The following MCOLN2 variants were observed in gnomAD, a reference collection of about 807,000 sequenced individuals.
The protein encoded by MCOLN2 is mucolipin-2.
In MCOLN2, 57 loss-of-function variants were observed where a neutral mutation model predicts 67.5. The ratio of observed to expected loss-of-function variants is 0.84; its 90% CI spans 0.68 to 1.05. The LOEUF is 1.05. Among genes scored for constraint, MCOLN2 ranks in the 50% least tolerant of loss-of-function variants. MCOLN2 has a pLI of 0.00. For missense variants in MCOLN2, 620 were observed against 678.8 expected (o/e 0.91, Z 0.96); for synonymous variants, 246 against 233.3 (o/e 1.05, Z -0.50).
At chr1:84,964,045 C>T (rs1571002975) in intron 2 of MCOLN2, among the ~76,000 whole-genome samples, 1 of 152,260 alleles carries the variant, frequency 6.6e-6, no homozygotes, top group African/African-American at 2.4e-5. Flanking sequence ...GTAATACTAA[C>T]AATGTATCAA....
chr1:84,996,917 G>A lies in MCOLN2; in HGVS notation c.-45C>T, dbSNP rs758004671. 72 of 1,547,596 alleles carry A rather than the reference G, an allele frequency of 4.7e-5. No homozygotes were observed. The highest frequency in any genetic ancestry group is 6.1e-5 in the Non-Finnish European group (68 of 1,120,042). Reference sequence around the variant, plus strand: ...TCCAGGGCTCTCGGGATTCGGAACAGGAAACACCGTTCACGGCCGACTCAT... The same window carrying A: ...TCCAGGGCTCTCGGGATTCGGAACAAGAAACACCGTTCACGGCCGACTCAT... On this transcript the variant is annotated 5_prime_UTR_variant, in exon 1 of 14. Coordinates refer to ENST00000370608, the MANE Select transcript of MCOLN2 (RefSeq NM_153259.4).
intron 11 of MCOLN2, among the ~76,000 whole-genome samples, chr1:84,934,010 T>C (rs967639735): frequency 5.9e-5 from 9 of 152,186 alleles, no homozygotes; most frequent in African/African-American, 1.7e-4. Context: ...CCAAATTCCA[T>C]AGTAGAAGTG....
rs141704454 is a variant in MCOLN2 at position 84,926,650 on chromosome 1, A to G, written c.*35T>C. Reference sequence around the variant, plus strand: ...GGTTCCTCTGCTCAGCCGCTGGATAAGGATGCCTGAACTTTAATCATCTTT... The same window carrying G: ...GGTTCCTCTGCTCAGCCGCTGGATAGGGATGCCTGAACTTTAATCATCTTT... On this transcript the variant is annotated 3_prime_UTR_variant, in exon 14 of 14. Transcript: ENST00000370608. The G allele has an allele frequency of 1.3e-6, 2 of 1,526,408 alleles. No homozygotes were observed. Among genetic ancestry groups the G allele is most frequent in the South Asian group, 2.5e-5 (2 of 79,684 alleles). The allele number at this position is 1,526,408 out of a possible 1,614,324, so 94.6% of individuals were successfully genotyped here.
chr1:84,959,076 A>C (rs994109044), intron 2 of MCOLN2, among the ~76,000 whole-genome samples: 1 of 152,204 alleles, frequency 6.6e-6, no homozygotes, highest in East Asian at 1.9e-4. Flanking sequence ...CATTGTATTG[A>C]TTTAAGATTT....
intron 1 of MCOLN2, among the ~76,000 whole-genome samples, chr1:84,993,485 T>C (rs996741524): frequency 1.3e-5 from 2 of 152,228 alleles, no homozygotes; most frequent in African/African-American, 4.8e-5. Context: ...CCTATTCCCA[T>C]GAATCATGAA....
At chr1:84,962,934 G>A (rs538271598) in intron 2 of MCOLN2, among the ~76,000 whole-genome samples, 5 of 152,262 alleles carry the variant, frequency 3.3e-5, no homozygotes, top group East Asian at 1.9e-4. Context: ...TATTAGCATC[G>A]AATGTATATG....
chr1:84,934,621 C>T (rs990390294), intron 11 of MCOLN2, among the ~76,000 whole-genome samples: 2 of 152,158 alleles, frequency 1.3e-5, no homozygotes, highest in African/African-American at 4.8e-5. Context: ...AGTCCAACAA[C>T]TTTTCAAGTC....
At chr1:84,942,066 C>G (rs372901897) in intron 7 of MCOLN2, among the ~76,000 whole-genome samples, 1 of 152,198 alleles carries the variant, frequency 6.6e-6, no homozygotes, top group African/African-American at 2.4e-5. Flanking sequence ...GCTGATCTGT[C>G]TGCCTGGAAC....
intron 12 of MCOLN2, 76 bp downstream of exon 12, chr1:84,931,286 T>TAAAATGTGG: frequency 1.1e-6 from 1 of 944,824 alleles, no homozygotes; most frequent in Non-Finnish European, 1.6e-6. Context: ...TTTAAGTTTT[T>TAAAATGTGG]AAAATGTGGT....
chr1:84,995,694 T>C (rs1239305761), intron 1 of MCOLN2, among the ~76,000 whole-genome samples: 1 of 152,250 alleles, frequency 6.6e-6, no homozygotes, highest in Non-Finnish European at 1.5e-5. Flanking sequence ...CTTGTGAATA[T>C]GATCATTCTT....
At chr1:84,932,492 C>T (rs1557628900) in intron 11 of MCOLN2, among the ~76,000 whole-genome samples, 1 of 152,188 alleles carries the variant, frequency 6.6e-6, no homozygotes, top group Non-Finnish European at 1.5e-5. Flanking sequence ...GGATTACAGG[C>T]ATGAGCCACT....
intron 7 of MCOLN2, among the ~76,000 whole-genome samples, chr1:84,945,079 C>CT (rs1648018672): frequency 1.3e-5 from 2 of 152,032 alleles, no homozygotes; most frequent in African/African-American, 4.8e-5. Context: ...CTTAAAAGAG[C>CT]TTTTACCCAG....
intron 7 of MCOLN2, among the ~76,000 whole-genome samples, chr1:84,942,690 A>G (rs1203957017): frequency 9.9e-5 from 15 of 152,086 alleles, no homozygotes; most frequent in Non-Finnish European, 5.9e-5. Context: ...TTAATCCCCA[A>G]TGTGACAGTA....
Position 84,987,584 on chromosome 1 carries a change from A to ATACATATATG in MCOLN2, c.77+9211_77+9212insCATATATGTA, listed in dbSNP as rs1557666025. Among the ~76,000 whole-genome samples the ATACATATATG allele has an allele frequency of 3.4e-5, 2 of 58,758 alleles. 1 individual carries two copies. Among genetic ancestry groups the ATACATATATG allele is most frequent in the Non-Finnish European group, 6.4e-5 (2 of 31,260 alleles). 38.5% of individuals were successfully genotyped at this position (58,758 alleles called of 152,430 possible). ...TGTATACATAGATGTATACATAGATATATACATATGTATATAGATGTATAT... is the reference window on the plus strand; with the variant it reads ...TGTATACATAGATGTATACATAGATATACATATATGTATACATATGTATATAGATGTATAT... On this transcript the variant is annotated intron_variant, in intron 1 of 13. Coordinates refer to ENST00000370608, the MANE Select transcript of MCOLN2 (RefSeq NM_153259.4).
intron 1 of MCOLN2, among the ~76,000 whole-genome samples, chr1:84,983,780 A>C (rs903410684): frequency 6.0e-5 from 9 of 149,498 alleles, no homozygotes; most frequent in African/African-American, 2.0e-4. Context: ...GGGTTCAAGC[A>C]GTTCTCCTGC....
chr1:84,987,198 ATC>A (rs1650551279), intron 1 of MCOLN2, among the ~76,000 whole-genome samples: 2 of 121,736 alleles, frequency 1.6e-5, no homozygotes, highest in Admixed American at 1.8e-4. Flanking sequence ...CTATCTATCT[ATC>A]TATCTATCTA....
intron 1 of MCOLN2, among the ~76,000 whole-genome samples, chr1:84,988,031 C>T (rs1257509987): frequency 2.0e-5 from 3 of 152,000 alleles, no homozygotes; most frequent in Non-Finnish European, 4.4e-5. Flanking sequence ...ATTCATGTAA[C>T]CAAATGCCAC....
chr1:84,940,847 A>C (rs1389107741), intron 8 of MCOLN2, 32 bp downstream of exon 8: 6 of 1,490,066 alleles, frequency 4.0e-6, no homozygotes, highest in Non-Finnish European at 5.6e-6. Flanking sequence ...GCAGGCCAAG[A>C]GGGCAGGAAG....
intron 11 of MCOLN2, among the ~76,000 whole-genome samples, chr1:84,934,689 GA>G (rs967597017): frequency 6.6e-6 from 1 of 151,940 alleles, no homozygotes; most frequent in Non-Finnish European, 1.5e-5. Context: ...TTCCTCACAG[GA>G]AAAAAAGTCC....
Sources: allele counts gnomAD v4.1 joint callset (sites outside exome capture counted in the v4.1 genomes callset), GRCh38; gene constraint gnomAD v4.1.1; transcripts MANE v1.5; gene names NCBI Gene and HGNC (gene_info 2026-07-23, HGNC 2026-07-21).